PPP2R2C: variants seen among roughly 807,000 people sequenced by gnomAD.
The protein encoded by PPP2R2C is protein phosphatase 2, regulatory subunit B, gamma.
A neutral mutation model predicts 45.3 loss-of-function variants in PPP2R2C; 10 were observed. The observed-to-expected ratio is 0.22, with a 90% CI of 0.14 to 0.37. PPP2R2C has a LOEUF of 0.37. Among genes scored for constraint, PPP2R2C ranks in the 10% least tolerant of loss-of-function variants. The probability of loss-of-function intolerance (pLI) is 1.00; values close to 1 mark genes in which losing one functional copy is unlikely to be tolerated. For synonymous variants in PPP2R2C, 257 were observed against 245.4 expected (o/e 1.05, Z -0.44); for missense variants, 308 against 619.7 (o/e 0.50, Z 5.34).
chr4:6,414,417 T>G (rs1457255012), intron 1 of PPP2R2C, among the ~76,000 whole-genome samples: 1 of 152,114 alleles, frequency 6.6e-6, no homozygotes, highest in Non-Finnish European at 1.5e-5. Context: ...CCAGGGTTCA[T>G]TGCTGGGGCG....
At position 6,557,621 on chromosome 4, in the gene PPP2R2C, C is replaced by T. The variant is rs149658994; in HGVS notation, c.-59+5939G>A. Reference sequence around the variant, plus strand: ...GAGAGAGCCCAGGATGTACCAAGGTCGGGAAAAAGGCTGCTGTGTAGTGAG... The same window carrying T: ...GAGAGAGCCCAGGATGTACCAAGGTTGGGAAAAAGGCTGCTGTGTAGTGAG... On this transcript the variant is annotated intron_variant, in intron 1 of 9. Coordinates refer to the PPP2R2C transcript ENST00000506140. Among the ~76,000 whole-genome samples, 521 of 152,148 alleles carry T rather than the reference C, an allele frequency of 3.4e-3. 1 individual carries two copies. Among genetic ancestry groups the T allele is most frequent in the Middle Eastern group, 0.01 (3 of 294 alleles).
intron 1 of PPP2R2C, chr4:6,382,132 T>C (rs957279327): frequency 1.6e-6 from 2 of 1,254,964 alleles, no homozygotes; most frequent in East Asian, 4.3e-5. Flanking sequence ...ATTTGAAAAG[T>C]AGAAGATTTC....
intron 1 of PPP2R2C, among the ~76,000 whole-genome samples, chr4:6,425,666 G>A (rs1719245018): frequency 6.6e-6 from 1 of 152,132 alleles, no homozygotes; most frequent in South Asian, 2.1e-4. Context: ...TCACGTGCAG[G>A]AACTCACAAA....
At chr4:6,333,774 GC>G in intron 6 of PPP2R2C, 43 bp from the exon 7 acceptor site, 2 of 1,608,788 alleles carry the variant, frequency 1.2e-6, no homozygotes, top group Admixed American at 3.3e-5. Context: ...CGCTGCTCCC[GC>G]CCATGGGGTT....
intron 1 of PPP2R2C, among the ~76,000 whole-genome samples, chr4:6,429,096 CCATGTGTAGATACATG>C: frequency 6.5e-4 from 1 of 1,536 alleles, no homozygotes; most frequent in African/African-American, 1.7e-3. Context: ...TAGATACATG[CCATGTGTAGATACATG>C]GGCATGACTC....
chr4:6,551,820 G>T (rs189949103), intron 1 of PPP2R2C, among the ~76,000 whole-genome samples: 10 of 152,204 alleles, frequency 6.6e-5, no homozygotes, highest in Non-Finnish European at 1.3e-4. Context: ...ACCAACAAGC[G>T]ACCTCGGTGT....
Position 6,395,048 on chromosome 4 carries a change from G to A in PPP2R2C, c.71-13954C>T, listed in dbSNP as rs532737601. Among the ~76,000 whole-genome samples, 10 of 152,150 alleles carry A rather than the reference G, an allele frequency of 6.6e-5. No individual in the cohort carries two copies. The East Asian group carries it at 1.4e-3, about 21-fold the overall frequency. On this transcript the variant is annotated intron_variant, in intron 1 of 8. Coordinates refer to ENST00000382599, the MANE Select transcript of PPP2R2C (RefSeq NM_020416.4). ...CTGGCCATGGTCACCTCTCACCCGC[G>A]AGCCTGCAGCCGCCTCCTCTCTGGA... is the stretch of plus-strand genomic sequence containing the variant.
intron 1 of PPP2R2C, among the ~76,000 whole-genome samples, chr4:6,437,272 A>G (rs976208120): frequency 6.6e-6 from 1 of 152,266 alleles, no homozygotes; most frequent in Non-Finnish European, 1.5e-5. Context: ...CATTTCTTCA[A>G]CAAAGCTTGG....
intron 1 of PPP2R2C, among the ~76,000 whole-genome samples, chr4:6,420,103 A>C (rs963252339): frequency 3.3e-5 from 5 of 152,220 alleles, no homozygotes; most frequent in Admixed American, 2.6e-4. Context: ...TCAGAGGTAC[A>C]GACACTTCTG....
intron 2 of PPP2R2C, among the ~76,000 whole-genome samples, chr4:6,489,198 C>G (rs548304659): frequency 6.6e-6 from 1 of 152,184 alleles, no homozygotes; most frequent in African/African-American, 2.4e-5. Context: ...CTTGGCCTCA[C>G]CTTGTTTATT....
intron 2 of PPP2R2C, chr4:6,535,255 A>G: frequency 1.3e-6 from 2 of 1,535,242 alleles, no homozygotes; most frequent in Non-Finnish European, 1.7e-6. Flanking sequence ...CCCGGCTGTG[A>G]GAACGGGCTT....
At chr4:6,521,942 C>T (rs1724039549) in intron 2 of PPP2R2C, among the ~76,000 whole-genome samples, 3 of 152,348 alleles carry the variant, frequency 2.0e-5, no homozygotes, top group Admixed American at 1.3e-4. Context: ...CTACTTTGCT[C>T]TTATTGGGTT....
chr4:6,495,613 G>A (rs1184606803), intron 2 of PPP2R2C, among the ~76,000 whole-genome samples: 1 of 152,234 alleles, frequency 6.6e-6, no homozygotes. Flanking sequence ...GAGGGTGACA[G>A]TGAGGTGAGG....
At chr4:6,361,904 G>C (rs1328530076) in intron 5 of PPP2R2C, among the ~76,000 whole-genome samples, 1 of 152,262 alleles carries the variant, frequency 6.6e-6, no homozygotes, top group Non-Finnish European at 1.5e-5. Flanking sequence ...AGACACAGGT[G>C]CTCATGTCAG....
chr4:6,551,573 A>C lies in PPP2R2C; in HGVS notation c.-59+11987T>G, dbSNP rs906480314. On this transcript the variant is annotated intron_variant, in intron 1 of 9. Coordinates refer to the PPP2R2C transcript ENST00000506140. ...AGCAGAAATGAAGCTCTGGGACACCAAAAGCTGGGCATCAAAGGCCACACA... is the reference window on the plus strand; with the variant it reads ...AGCAGAAATGAAGCTCTGGGACACCCAAAGCTGGGCATCAAAGGCCACACA... Among the ~76,000 whole-genome samples the C allele has an allele frequency of 3.9e-5, 6 of 152,230 alleles. No homozygotes were observed. In the East Asian group the frequency reaches 1.2e-3, roughly 29 times the overall value.
rs1476175331 is a variant in PPP2R2C at position 6,328,586 on chromosome 4, G to C, written c.1052+676C>G. On this transcript the variant is annotated intron_variant, in intron 8 of 8. Transcript: ENST00000382599. This position sits in a 1 kb window ranked among gnomAD's most constrained non-coding sequence, Gnocchi z 4.4. The stretch of plus-strand genomic sequence containing the variant: ...CAGAGGTAAGGACCCACGGGTAGAG[G>C]TCAGGTCAGGAGCCCCTGCCACAGC... 6.6e-6 allele frequency among the ~76,000 whole-genome samples: 1 copy of C among 152,222 alleles called. No homozygotes were observed. The highest frequency in any genetic ancestry group is 1.5e-5 in the Non-Finnish European group (1 of 68,036).
intron 1 of PPP2R2C, among the ~76,000 whole-genome samples, chr4:6,461,989 A>C (rs1395792649): frequency 6.6e-6 from 1 of 152,232 alleles, no homozygotes; most frequent in Non-Finnish European, 1.5e-5. Flanking sequence ...AGGATGGTGC[A>C]GCCACGCTCA....
chr4:6,501,606 G>A (rs1723058423), intron 2 of PPP2R2C, among the ~76,000 whole-genome samples: 1 of 151,584 alleles, frequency 6.6e-6, no homozygotes, highest in Admixed American at 6.6e-5. Context: ...CATTCATTCA[G>A]TGGGTTGACA....
At chr4:6,522,545 A>T (rs1724060172) in intron 2 of PPP2R2C, among the ~76,000 whole-genome samples, 1 of 152,226 alleles carries the variant, frequency 6.6e-6, no homozygotes, top group Admixed American at 6.5e-5. Flanking sequence ...CCACACGGGG[A>T]TGGCAGGGCT....
Sources: gnomAD v4.1 joint callset for allele counts (sites outside exome capture counted in the v4.1 genomes callset) on GRCh38, gnomAD v4.1.1 for gene constraint, Gnocchi (gnomAD v3.1) non-coding constraint, MANE v1.5 for transcripts, NCBI Gene and HGNC (gene_info 2026-07-23, HGNC 2026-07-21) for gene names.